Variants in MYO16 observed in about 807,000 individuals in gnomAD.
MYO16 encodes the protein unconventional myosin-XVI.
MYO16 carries 94 observed loss-of-function variants against 205.3 expected under a neutral mutation model. The ratio of observed to expected loss-of-function variants is 0.46; its 90% CI spans 0.39 to 0.54. The LOEUF is 0.54. Among genes scored for constraint, MYO16 ranks in the 20% least tolerant of loss-of-function variants. The probability of loss-of-function intolerance (pLI) is 0.00; values close to 1 mark genes in which losing one functional copy is unlikely to be tolerated. For synonymous variants in MYO16, 988 were observed against 954.0 expected (o/e 1.04, Z -0.66); for missense variants, 2,315 against 2,387.5 (o/e 0.97, Z 0.63).
chr13:108,582,725 G>A, the MYO16 span, among the ~76,000 whole-genome samples: 1 of 152,120 alleles, frequency 6.6e-6, no homozygotes, highest in Non-Finnish European at 1.5e-5. Context: ...TTTTGGAGAT[G>A]GGGTGGGGTT....
chr13:108,606,444 G>A (rs1246533973), intron 1 of MYO16, among the ~76,000 whole-genome samples: 2 of 152,168 alleles, frequency 1.3e-5, no homozygotes, highest in African/African-American at 2.4e-5. Context: ...CCAGCCATGG[G>A]TAAAGACCAA....
chr13:108,737,148 GC>G lies in MYO16; in HGVS notation c.507+9568del, dbSNP rs952288463. On this transcript the variant is annotated intron_variant, in intron 4 of 34. Coordinates refer to ENST00000457511, the MANE Select transcript of MYO16 (RefSeq NM_001198950.3). ...CTTTATTTCTTTCTCCTGCCTGATT[GC>G]CCTGGACAGAACTTCCAACACTATG... Among the ~76,000 whole-genome samples the G allele has an allele frequency of 1.3e-4, 20 of 152,216 alleles. 1 individual carries two copies. Among genetic ancestry groups the G allele is most frequent in the Admixed American group, 1.0e-3 (16 of 15,286 alleles).
At chr13:108,556,916 G>A in the MYO16 span, among the ~76,000 whole-genome samples, 3 of 151,970 alleles carry the variant, frequency 2.0e-5, no homozygotes, top group African/African-American at 2.4e-5. Flanking sequence ...GTGTGTTGGC[G>A]CCTTTGTCAA....
intron 1 of MYO16, among the ~76,000 whole-genome samples, chr13:108,632,773 C>G (rs1340901595): frequency 6.6e-6 from 1 of 152,078 alleles, no homozygotes; most frequent in Admixed American, 6.6e-5. Context: ...CAGTGAGAGC[C>G]AGTCTCAGAG....
chr13:108,891,343 CTT>C (rs1880163701), intron 14 of MYO16, among the ~76,000 whole-genome samples: 1 of 152,120 alleles, frequency 6.6e-6, no homozygotes, highest in South Asian at 2.1e-4. Flanking sequence ...TTTATACAAC[CTT>C]TTGTTTTTCA....
chr13:108,972,205 G>GTCTC lies in MYO16; in HGVS notation c.2369+7345_2369+7348dup, dbSNP rs749547949. Among the ~76,000 whole-genome samples the GTCTC allele has an allele frequency of 2.0e-3, 22 of 11,138 alleles. 4 individuals are homozygous for GTCTC. The highest frequency in any genetic ancestry group is 4.1e-3 in the African/African-American group (10 of 2,416). 7.3% of individuals were successfully genotyped at this position (11,138 alleles called of 152,430 possible). On this transcript the variant is annotated intron_variant, in intron 20 of 34. Coordinates refer to ENST00000457511, the MANE Select transcript of MYO16 (RefSeq NM_001198950.3). ...AGCCTGGATGACAGACTGAGACCCT[G>GTCTC]TCTCTCTCTCTCTCTCTCTCTCTCT...
At chr13:108,521,907 G>A in the MYO16 span, among the ~76,000 whole-genome samples, 1 of 152,202 alleles carries the variant, frequency 6.6e-6, no homozygotes, top group Admixed American at 6.5e-5. Flanking sequence ...AATCTGCAAT[G>A]ATATAAATAT....
rs185172689 is a variant in MYO16, at chr13:108,680,078, C to A, written c.292+13929C>A. ...ACCTAGAGCACTTCTTCAGAGAAGGCTTTGCTGCCTCCCAGTTTGGTCCCA... is the reference window on the plus strand; with the variant it reads ...ACCTAGAGCACTTCTTCAGAGAAGGATTTGCTGCCTCCCAGTTTGGTCCCA... On this transcript the variant is annotated intron_variant, in intron 2 of 34. Coordinates refer to ENST00000457511, the MANE Select transcript of MYO16 (RefSeq NM_001198950.3). 2.3e-3 allele frequency among the ~76,000 whole-genome samples: 347 copies of A among 152,278 alleles called. 1 individual carries two copies. The highest frequency in any genetic ancestry group is 7.7e-3 in the African/African-American group (322 of 41,570).
At chr13:109,025,494 G>A (rs1295443239) in intron 23 of MYO16, among the ~76,000 whole-genome samples, 1 of 152,094 alleles carries the variant, frequency 6.6e-6, no homozygotes, top group Non-Finnish European at 1.5e-5. Context: ...TATTAACACA[G>A]TCTCATTAAT....
the MYO16 span, among the ~76,000 whole-genome samples, chr13:108,526,491 C>T: frequency 1.3e-5 from 2 of 151,970 alleles, no homozygotes; most frequent in Non-Finnish European, 2.9e-5. Flanking sequence ...TCTTTTTTCC[C>T]CAAATGCTGA....
chr13:108,553,798 T>C, the MYO16 span, among the ~76,000 whole-genome samples: 1 of 125,236 alleles, frequency 8.0e-6, no homozygotes, highest in Non-Finnish European at 1.9e-5. Context: ...ACGTGTCTTC[T>C]TAGCACAGCC....
Position 108,972,205 on chromosome 13 carries a change from G to GTCTCTCTCTCTCTCTCTCTC in MYO16, c.2369+7329_2369+7348dup. 1.8e-4 allele frequency among the ~76,000 whole-genome samples: 2 copies of GTCTCTCTCTCTCTCTCTCTC among 11,140 alleles called. 1 individual carries two copies. The highest frequency in any genetic ancestry group is 8.3e-4 in the African/African-American group (2 of 2,418). 7.3% of individuals were successfully genotyped at this position (11,140 alleles called of 152,430 possible). A position where few individuals can be genotyped will look rare whatever the true frequency, so the allele number is the denominator to read the frequency against. On this transcript the variant is annotated intron_variant, in intron 20 of 34. Transcript: ENST00000457511. ...AGCCTGGATGACAGACTGAGACCCT[G>GTCTCTCTCTCTCTCTCTCTC]TCTCTCTCTCTCTCTCTCTCTCTCT...
intron 2 of MYO16, among the ~76,000 whole-genome samples, chr13:108,700,845 G>A (rs888477116): frequency 9.2e-5 from 14 of 152,162 alleles, no homozygotes; most frequent in African/African-American, 3.4e-4. Context: ...CTATGCACAT[G>A]TTCAGAGCTG....
chr13:108,875,921 C>T (rs749639450), intron 12 of MYO16, among the ~76,000 whole-genome samples: 1 of 152,098 alleles, frequency 6.6e-6, no homozygotes, highest in Non-Finnish European at 1.5e-5. Context: ...CCCATGTACA[C>T]ACAGATGGAT....
chr13:108,653,998 C>G (rs1881130335), intron 1 of MYO16, among the ~76,000 whole-genome samples: 1 of 152,040 alleles, frequency 6.6e-6, no homozygotes, highest in African/African-American at 2.4e-5. Context: ...ATCCACTTTG[C>G]TTTAGGGTAC....
At position 108,697,452 on chromosome 13, in the gene MYO16, G is replaced by A. The variant is rs560762215; in HGVS notation, c.293-15209G>A. Among the ~76,000 whole-genome samples the A allele has an allele frequency of 2.8e-3, 421 of 152,246 alleles. 2 individuals are homozygous for A. The highest frequency in any genetic ancestry group is 5.0e-3 in the Admixed American group (76 of 15,284). On this transcript the variant is annotated intron_variant, in intron 2 of 34. Transcript: ENST00000457511. ...AGCACGGGAGGACATTTCTTTTCCA[G>A]GAATTCCAGTTGCATCTTGAATTGA...
intron 16 of MYO16, among the ~76,000 whole-genome samples, chr13:108,914,570 G>C (rs1881405422): frequency 6.6e-6 from 1 of 152,220 alleles, no homozygotes; most frequent in South Asian, 2.1e-4. Context: ...ACATGCATCA[G>C]TAACTGTGAG....
intron 16 of MYO16, among the ~76,000 whole-genome samples, chr13:108,945,359 C>T (rs1203755561): frequency 1.3e-5 from 2 of 152,124 alleles, no homozygotes. Flanking sequence ...TGGCCAGGGA[C>T]CACTTATTTG....
chr13:108,867,487 C>T (rs1025202189), intron 12 of MYO16, among the ~76,000 whole-genome samples: 5 of 152,140 alleles, frequency 3.3e-5, no homozygotes, highest in Non-Finnish European at 7.4e-5. Context: ...TCACCCTGTG[C>T]AATCTAAGGG....
Sources: allele counts gnomAD v4.1 joint callset (sites outside exome capture counted in the v4.1 genomes callset), GRCh38; gene constraint gnomAD v4.1.1; transcripts MANE v1.5; gene names NCBI Gene and HGNC (gene_info 2026-07-23, HGNC 2026-07-21).